The following HRH1 variants were observed in gnomAD, a reference collection of about 807,000 sequenced individuals.
HRH1 encodes histamine H1 receptor.
In HRH1, 6 loss-of-function variants were observed where a neutral mutation model predicts 10.3. The ratio of observed to expected loss-of-function variants is 0.58; its 90% CI spans 0.32 to 1.15. The LOEUF (loss-of-function observed/expected upper bound fraction) is 1.15, where lower values mean the gene tolerates loss of function less well. Ranked by LOEUF, HRH1 falls within the 50% of genes most tolerant of loss-of-function variation. HRH1 has a pLI of 0.05. For synonymous variants in HRH1, 242 were observed against 236.7 expected (o/e 1.02, Z -0.21); for missense variants, 514 against 615.3 (o/e 0.84, Z 1.74).
intron 1 of HRH1, among the ~76,000 whole-genome samples, chr3:11,236,830 G>C (rs546514869): frequency 3.9e-5 from 6 of 152,372 alleles, no homozygotes; most frequent in Admixed American, 3.9e-4. Flanking sequence ...TGAGGTGGCA[G>C]CTGCAGGCAG....
intron 1 of HRH1, among the ~76,000 whole-genome samples, chr3:11,171,503 CT>C (rs1330279341): frequency 6.6e-6 from 1 of 152,264 alleles, no homozygotes; most frequent in South Asian, 2.1e-4. Context: ...GACTCAGGAG[CT>C]TTTTTTAAGA....
At position 11,260,776 on chromosome 3, in the gene HRH1, AAAAAT is replaced by A; in HGVS notation, c.*280_*284del. ...CTGGGTTCAAAAAGAAAAAAATAAT[AAAAAT>A]AAAAGAGAGAGAGAATCAGACCTGG... On this transcript the variant is annotated 3_prime_UTR_variant, in exon 2 of 2. Coordinates refer to ENST00000431010, the MANE Select transcript of HRH1 (RefSeq NM_001098212.2). 2.5e-6 allele frequency: 1 copy of A among 403,334 alleles called. No homozygotes were observed. The highest frequency in any genetic ancestry group is 4.6e-6 in the Non-Finnish European group (1 of 218,288). 25.0% of individuals were successfully genotyped at this position (403,334 alleles called of 1,614,324 possible).
At position 11,193,136 on chromosome 3, in the gene HRH1, T is replaced by A. The variant is rs1358781607; in HGVS notation, c.-36+38582T>A. Among the ~76,000 whole-genome samples, 5 of 152,246 alleles carry A rather than the reference T, an allele frequency of 3.3e-5. 1 individual carries two copies. The East Asian group carries it at 5.8e-4, about 18-fold the overall frequency. On this transcript the variant is annotated intron_variant, in intron 1 of 1. Coordinates refer to ENST00000431010, the MANE Select transcript of HRH1 (RefSeq NM_001098212.2). ...CATCAACAACATCTAAATATAAGCA[T>A]GGTTGTATAACTCACATTTTACTCT...
intron 1 of HRH1, among the ~76,000 whole-genome samples, chr3:11,235,073 G>A (rs1184894589): frequency 6.6e-6 from 1 of 151,972 alleles, no homozygotes; most frequent in Non-Finnish European, 1.5e-5. Context: ...AAATTAGCTG[G>A]GCGTGGTGGC....
intron 1 of HRH1, among the ~76,000 whole-genome samples, chr3:11,179,309 T>G (rs1196485602): frequency 1.4e-5 from 2 of 146,688 alleles, no homozygotes; most frequent in African/African-American, 2.5e-5. Context: ...TAAATAAAAT[T>G]TAAAAAATTT....
At chr3:11,220,791 CT>C in intron 1 of HRH1, among the ~76,000 whole-genome samples, 1 of 152,280 alleles carries the variant, frequency 6.6e-6, no homozygotes, top group African/African-American at 2.4e-5. Flanking sequence ...CTGCATTTCT[CT>C]GTTTTATATA....
chr3:11,143,654 G>C (rs937455330), intron 1 of HRH1, among the ~76,000 whole-genome samples: 1 of 152,182 alleles, frequency 6.6e-6, no homozygotes, highest in African/African-American at 2.4e-5. Flanking sequence ...TTGTAGAGTA[G>C]TAGATGAATG....
intron 1 of HRH1, among the ~76,000 whole-genome samples, chr3:11,239,197 T>C (rs1559282218): frequency 6.6e-6 from 1 of 152,252 alleles, no homozygotes. Flanking sequence ...TTTTAAATTA[T>C]AGTCATCCTA....
intron 1 of HRH1, among the ~76,000 whole-genome samples, chr3:11,156,190 A>G (rs1936787017): frequency 6.6e-6 from 1 of 152,182 alleles, no homozygotes. Flanking sequence ...TGGTGTGGGG[A>G]GAATCTACGG....
At chr3:11,143,552 A>G (rs1467524142) in intron 1 of HRH1, among the ~76,000 whole-genome samples, 1 of 152,236 alleles carries the variant, frequency 6.6e-6, no homozygotes. Context: ...GAACTTCCAG[A>G]TGCCTATTCT....
intron 1 of HRH1, among the ~76,000 whole-genome samples, chr3:11,176,732 T>C (rs1937255735): frequency 6.6e-6 from 1 of 152,196 alleles, no homozygotes; most frequent in Admixed American, 6.5e-5. Context: ...CTGCTAATAA[T>C]AAAATAATAG....
chr3:11,215,719 G>A (rs894767908), intron 1 of HRH1, among the ~76,000 whole-genome samples: 1 of 152,350 alleles, frequency 6.6e-6, no homozygotes, highest in Middle Eastern at 3.4e-3. Context: ...GGGATTACAG[G>A]CGTGAGCCAC....
intron 1 of HRH1, among the ~76,000 whole-genome samples, chr3:11,171,199 C>T (rs1937144587): frequency 6.6e-6 from 1 of 151,368 alleles, no homozygotes; most frequent in Non-Finnish European, 1.5e-5. Context: ...TCAGTGTAAC[C>T]TTCTATACCT....
chr3:11,173,878 G>A (rs1430741885), intron 1 of HRH1, among the ~76,000 whole-genome samples: 1 of 152,184 alleles, frequency 6.6e-6, no homozygotes, highest in Non-Finnish European at 1.5e-5. Flanking sequence ...GACTCTGCCA[G>A]GTGTAAAGAG....
In HRH1 at chr3:11,227,953, G is replaced by A. The variant is rs1258594731; in HGVS notation, c.-35-31050G>A. Among the ~76,000 whole-genome samples, 4 of 152,302 alleles carry A rather than the reference G, an allele frequency of 2.6e-5. No homozygotes were observed. The East Asian group carries it at 7.7e-4, about 29-fold the overall frequency. ...GCATATCAAAAACGAGGGGAGAATT[G>A]GGAGTCTTATTCACATTTCCATCTC... On this transcript the variant is annotated intron_variant, in intron 1 of 1. Transcript: ENST00000431010.
chr3:11,151,131 G>A (rs758618264), upstream of HRH1, among the ~76,000 whole-genome samples: 6 of 152,180 alleles, frequency 3.9e-5, no homozygotes, highest in Non-Finnish European at 5.9e-5. Context: ...CAACTGTAAC[G>A]GTTTCAGGAC....
chr3:11,188,188 T>C (rs1245365275), intron 1 of HRH1, among the ~76,000 whole-genome samples: 2 of 152,178 alleles, frequency 1.3e-5, no homozygotes, highest in African/African-American at 2.4e-5. Context: ...TATCTAGCAT[T>C]GGTAAGAATG....
At chr3:11,219,138 C>A (rs968824168) in intron 1 of HRH1, among the ~76,000 whole-genome samples, 1 of 152,124 alleles carries the variant, frequency 6.6e-6, no homozygotes, top group African/African-American at 2.4e-5. Context: ...ATCCACCCAC[C>A]TCAGCCTCTT....
chr3:11,234,315 G>T (rs1939117113), intron 1 of HRH1: 1 of 1,578,656 alleles, frequency 6.3e-7, no homozygotes, highest in African/African-American at 1.3e-5. Context: ...TCTTCTGCTT[G>T]TTCTGCTGGC....
Sources: allele counts gnomAD v4.1 joint callset (sites outside exome capture counted in the v4.1 genomes callset), GRCh38; gene constraint gnomAD v4.1.1; transcripts MANE v1.5; gene names NCBI Gene and HGNC (gene_info 2026-07-23, HGNC 2026-07-21).